The following ANKH variants were observed in gnomAD, a reference collection of about 807,000 sequenced individuals.
ANKH encodes ANKH inorganic pyrophosphate transport regulator, also known as mineralization regulator ANKH.
In ANKH, 15 loss-of-function variants were observed where a neutral mutation model predicts 49.0. That is an observed-to-expected ratio of 0.31 (90% CI 0.20 to 0.47). The LOEUF is 0.47. Ranked by LOEUF, ANKH falls within the 20% of genes least tolerant of loss-of-function variation. ANKH has a pLI of 1.00. For missense variants in ANKH, 429 were observed against 652.0 expected, an observed-to-expected ratio of 0.66 and a Z score of 3.72; for synonymous variants, 273 against 260.0, an observed-to-expected ratio of 1.05 and a Z score of -0.48.
chr5:14,798,025 T>C (rs1481714640), intron 1 of ANKH: 20 of 1,578,372 alleles, frequency 1.3e-5, no homozygotes, highest in Middle Eastern at 1.7e-4. Context: ...CTGTTTACTT[T>C]TCCTTCATGG....
At position 14,705,491 on chromosome 5, in the gene ANKH, T is replaced by G. The variant is rs747544921; in HGVS notation, c.*5706A>C. On this transcript the variant is annotated 3_prime_UTR_variant, in exon 12 of 12. Coordinates refer to ENST00000284268, the MANE Select transcript of ANKH (RefSeq NM_054027.6). ...GTGAGGCCAAGAAGCGTGAGTGATA[T>G]GGAAGCCTCCAGCTTGAATACACTT... The G allele has an allele frequency of 1.3e-5, 2 of 152,216 alleles. No homozygotes were observed. The highest frequency in any genetic ancestry group is 2.4e-5 in the African/African-American group (1 of 41,462). The allele number at this position is 152,216 out of a possible 1,614,324, so 9.4% of individuals were successfully genotyped here. A position where few individuals can be genotyped will look rare whatever the true frequency, so the allele number is the denominator to read the frequency against.
chr5:14,794,780 C>A (rs1248159873), intron 1 of ANKH, among the ~76,000 whole-genome samples: 8 of 152,232 alleles, frequency 5.3e-5, no homozygotes, highest in Admixed American at 2.0e-4. Flanking sequence ...ACATGTGGAA[C>A]TGACTAGTTG....
chr5:14,798,491 A>ATT (rs34182070), intron 1 of ANKH: 16,112 of 839,056 alleles, frequency 0.019, 133 homozygotes, highest in Non-Finnish European at 0.022. Context: ...CGCGGTCTCT[A>ATT]TTTTTTTTTT....
intron 8 of ANKH, chr5:14,741,609 C>T: frequency 1.8e-6 from 1 of 540,878 alleles, no homozygotes; most frequent in Admixed American, 3.2e-5. Flanking sequence ...TTGAGAAGTC[C>T]CAAGAAATGC....
At chr5:14,817,052 T>C (rs1741059738) in intron 1 of ANKH, among the ~76,000 whole-genome samples, 1 of 152,240 alleles carries the variant, frequency 6.6e-6, no homozygotes, top group South Asian at 2.1e-4. Flanking sequence ...TTTCACTGAA[T>C]AAAGTGCTTC....
chr5:14,786,420 T>C (rs1206472507), intron 1 of ANKH, among the ~76,000 whole-genome samples: 1 of 152,204 alleles, frequency 6.6e-6, no homozygotes, highest in Non-Finnish European at 1.5e-5. Context: ...GTGATTTGCA[T>C]TTTTATTTGG....
intron 1 of ANKH, among the ~76,000 whole-genome samples, chr5:14,829,212 A>G (rs1421785244): frequency 6.7e-6 from 1 of 149,034 alleles, no homozygotes; most frequent in East Asian, 1.9e-4. Flanking sequence ...AAAAAAAAGC[A>G]ATTTCAAAGC....
At chr5:14,727,859 G>A (rs1737869906) in intron 8 of ANKH, among the ~76,000 whole-genome samples, 1 of 151,996 alleles carries the variant, frequency 6.6e-6, no homozygotes, top group African/African-American at 2.4e-5. Context: ...CACTGTATGT[G>A]TATTTTTCTA....
chr5:14,782,876 G>C lies in ANKH; in HGVS notation c.97-13685C>G, dbSNP rs148884882. On this transcript the variant is annotated intron_variant, in intron 1 of 11. Coordinates refer to ENST00000284268, the MANE Select transcript of ANKH (RefSeq NM_054027.6). ...CTGCTCATTGTCACCAGTGCAGTGG[G>C]GATGCCAAGTGAACCTCTATAGCGG... Among the ~76,000 whole-genome samples, 17 of 152,220 alleles carry C rather than the reference G, an allele frequency of 1.1e-4. No individual in the cohort carries two copies. The East Asian group carries it at 2.7e-3, about 24-fold the overall frequency.
chr5:14,741,019 T>C (rs775311096), intron 8 of ANKH, among the ~76,000 whole-genome samples: 1 of 152,360 alleles, frequency 6.6e-6, no homozygotes, highest in South Asian at 2.1e-4. Flanking sequence ...TTTCTTCTTA[T>C]CGTCTTTTTC....
At chr5:14,778,422 G>A (rs72734711) in intron 1 of ANKH, among the ~76,000 whole-genome samples, 23,848 of 152,054 alleles carry the variant, frequency 0.16, 2,211 homozygotes, top group Middle Eastern at 0.26. Flanking sequence ...ATATCCGTCT[G>A]GTCAGCCCAC....
chr5:14,818,863 T>C (rs1741120408), intron 1 of ANKH, among the ~76,000 whole-genome samples: 1 of 152,184 alleles, frequency 6.6e-6, no homozygotes, highest in South Asian at 2.1e-4. Flanking sequence ...AATGGACACT[T>C]AGTAGAGGAT....
chr5:14,814,966 T>C (rs1740988551), intron 1 of ANKH, among the ~76,000 whole-genome samples: 1 of 152,200 alleles, frequency 6.6e-6, no homozygotes, highest in African/African-American at 2.4e-5. Flanking sequence ...CAAAACAGAG[T>C]TGGAATGTTT....
At chr5:14,779,338 TA>T (rs1331848552) in intron 1 of ANKH, among the ~76,000 whole-genome samples, 1 of 152,190 alleles carries the variant, frequency 6.6e-6, no homozygotes, top group Non-Finnish European at 1.5e-5. Flanking sequence ...TCCTCCATCC[TA>T]AAAAAGAAAC....
rs772894106 is a variant in ANKH at position 14,871,329 on chromosome 5, T to G, written c.96+23A>C. On this transcript the variant is annotated intron_variant, in intron 1 of 11. Transcript: ENST00000284268. ...AAGGCCAAGGCAGGGCGAGCGGGCGTGGGGCGCGGGGCCGGGGCTTACCTG... is the reference window on the plus strand; with the variant it reads ...AAGGCCAAGGCAGGGCGAGCGGGCGGGGGGCGCGGGGCCGGGGCTTACCTG... The G allele has an allele frequency of 1.9e-6, 3 of 1,602,592 alleles. No homozygotes were observed. In the East Asian group the frequency reaches 6.7e-5, roughly 36 times the overall value.
Position 14,831,074 on chromosome 5 carries a change from C to G in ANKH, c.96+40278G>C, listed in dbSNP as rs1307141178. Among the ~76,000 whole-genome samples the G allele has an allele frequency of 8.5e-5, 13 of 152,136 alleles. No individual in the cohort carries two copies. The East Asian group carries it at 2.5e-3, about 29-fold the overall frequency. Reference sequence around the variant, plus strand: ...ACCAGGTACTTCCTCTGGAGTTGATCAGAATGAGGACAAGGATAGTTCCTG... The same window carrying G: ...ACCAGGTACTTCCTCTGGAGTTGATGAGAATGAGGACAAGGATAGTTCCTG... On this transcript the variant is annotated intron_variant, in intron 1 of 11. Transcript: ENST00000284268.
intron 6 of ANKH, among the ~76,000 whole-genome samples, chr5:14,748,191 G>A (rs1411864083): frequency 1.3e-5 from 2 of 152,192 alleles, no homozygotes; most frequent in Non-Finnish European, 2.9e-5. Context: ...AACAAAACCT[G>A]TGTGTTACAG....
chr5:14,846,858 A>AT (rs201526805), intron 1 of ANKH, among the ~76,000 whole-genome samples: 2,078 of 152,100 alleles, frequency 0.014, 43 homozygotes, highest in African/African-American at 0.048. Flanking sequence ...ACAAAAAAAA[A>AT]CTAGCCAGGC....
At chr5:14,779,373 C>G (rs905534348) in intron 1 of ANKH, among the ~76,000 whole-genome samples, 1 of 152,224 alleles carries the variant, frequency 6.6e-6, no homozygotes, top group African/African-American at 2.4e-5. Flanking sequence ...CCAACGTCCT[C>G]TAGTTCCCAC....
Sources: gnomAD v4.1 joint callset for allele counts (sites outside exome capture counted in the v4.1 genomes callset) on GRCh38, gnomAD v4.1.1 for gene constraint, MANE v1.5 for transcripts, NCBI Gene and HGNC (gene_info 2026-07-23, HGNC 2026-07-21) for gene names.